MRAS: variants seen among roughly 807,000 people sequenced by gnomAD.
The protein encoded by MRAS is ras-related protein M-Ras.
In MRAS, 4 loss-of-function variants were observed where a neutral mutation model predicts 20.9. The observed-to-expected ratio is 0.19, with a 90% CI of 0.09 to 0.44. MRAS has a LOEUF of 0.44. MRAS is among the 20% of genes least tolerant of loss of function. MRAS has a pLI of 0.99. For missense variants in MRAS, 154 were observed against 277.5 expected (o/e 0.56, Z 3.16); for synonymous variants, 98 against 102.9 (o/e 0.95, Z 0.29).
intron 2 of MRAS, among the ~76,000 whole-genome samples, chr3:138,381,185 A>T (rs1412772372): frequency 6.6e-6 from 1 of 152,246 alleles, no homozygotes; most frequent in African/African-American, 2.4e-5. Context: ...TGCTGTTATG[A>T]ATAACGCTGC....
chr3:138,403,822 G>T lies in MRAS; in HGVS notation c.*1553G>T, dbSNP rs1391730202. On this transcript the variant is annotated 3_prime_UTR_variant, in exon 6 of 6. Transcript: ENST00000423968. ...CACTATGCAAACTAGAATATCCTCA[G>T]CAGGTGGCCTGGCCACTCTGGAGAA... is the stretch of plus-strand genomic sequence containing the variant. The T allele has an allele frequency of 6.6e-6, 1 of 152,476 alleles. No individual in the cohort carries two copies. The highest frequency in any genetic ancestry group is 1.5e-5 in the Non-Finnish European group (1 of 68,046). The allele number at this position is 152,476 out of a possible 1,614,324, so 9.4% of individuals were successfully genotyped here.
chr3:138,371,681 G>T (rs1437938563), intron 1 of MRAS, among the ~76,000 whole-genome samples: 1 of 152,192 alleles, frequency 6.6e-6, no homozygotes, highest in Non-Finnish European at 1.5e-5. Flanking sequence ...CCTACCAGGA[G>T]GTGGTATTGC....
intron 2 of MRAS, among the ~76,000 whole-genome samples, chr3:138,373,471 T>C (rs564090245): frequency 6.6e-6 from 1 of 152,350 alleles, no homozygotes; most frequent in Non-Finnish European, 1.5e-5. Context: ...ATCTCTTGCA[T>C]CTGACATTGT....
chr3:138,367,697 C>T (rs2054589558), intron 1 of MRAS, among the ~76,000 whole-genome samples: 1 of 152,192 alleles, frequency 6.6e-6, no homozygotes, highest in Admixed American at 6.5e-5. Flanking sequence ...GACTGAGCTT[C>T]CCATGTGTTG....
intron 1 of MRAS, among the ~76,000 whole-genome samples, chr3:138,356,916 G>A (rs1449647093): frequency 2.6e-5 from 4 of 151,084 alleles, no homozygotes; most frequent in Admixed American, 1.3e-4. Context: ...CCCACCCACC[G>A]CAGTGGACAG....
chr3:138,354,119 G>C (rs1057273937), intron 1 of MRAS, among the ~76,000 whole-genome samples: 1 of 152,244 alleles, frequency 6.6e-6, no homozygotes, highest in East Asian at 1.9e-4. Flanking sequence ...GGCAGCAGAG[G>C]TGCAGAAGAC....
chr3:138,361,030 G>A (rs932052340), intron 1 of MRAS, among the ~76,000 whole-genome samples: 4 of 152,194 alleles, frequency 2.6e-5, no homozygotes, highest in African/African-American at 4.8e-5. Flanking sequence ...TTGGTGAAGC[G>A]TCTTGAGTCA....
At chr3:138,400,115 C>T (rs2055329027) in intron 4 of MRAS, 1 of 163,046 alleles carries the variant, frequency 6.1e-6, no homozygotes, top group African/African-American at 2.4e-5. Flanking sequence ...CCCAGCCTCT[C>T]CTCAGCCTTT....
chr3:138,353,377 C>G (rs948550668), intron 1 of MRAS, among the ~76,000 whole-genome samples: 2 of 152,098 alleles, frequency 1.3e-5, no homozygotes, highest in African/African-American at 4.8e-5. Flanking sequence ...GGAAACTTTC[C>G]ACAAGGGGAG....
intron 2 of MRAS, among the ~76,000 whole-genome samples, chr3:138,393,212 A>C (rs182563549): frequency 6.6e-6 from 1 of 152,300 alleles, no homozygotes; most frequent in African/African-American, 2.4e-5. Flanking sequence ...ATGCAACAAC[A>C]TTTAGTTAAA....
chr3:138,394,350 GC>G (rs929451971), intron 2 of MRAS, among the ~76,000 whole-genome samples: 2 of 152,158 alleles, frequency 1.3e-5, no homozygotes, highest in African/African-American at 4.8e-5. Context: ...CTGCTTTTAT[GC>G]CCTGGGCACC....
chr3:138,386,010 G>A (rs1167756987), intron 2 of MRAS, among the ~76,000 whole-genome samples: 1 of 152,062 alleles, frequency 6.6e-6, no homozygotes, highest in African/African-American at 2.4e-5. Flanking sequence ...CTAGCGAGAG[G>A]GCAGGTGGAA....
At chr3:138,351,882 C>T (rs1333733026) in intron 1 of MRAS, among the ~76,000 whole-genome samples, 1 of 152,130 alleles carries the variant, frequency 6.6e-6, no homozygotes, top group African/African-American at 2.4e-5. Flanking sequence ...ACATATAATT[C>T]AGGGGATTCA....
intron 1 of MRAS, among the ~76,000 whole-genome samples, chr3:138,351,874 A>G (rs1369310705): frequency 1.3e-5 from 2 of 152,222 alleles, no homozygotes; most frequent in African/African-American, 4.8e-5. Flanking sequence ...AAAGTTGGAC[A>G]TATAATTCAG....
chr3:138,356,939 A>G (rs2054347987), intron 1 of MRAS, among the ~76,000 whole-genome samples: 1 of 151,982 alleles, frequency 6.6e-6, no homozygotes, highest in East Asian at 1.9e-4. Context: ...GCCTGAATCC[A>G]CTAATCTGGG....
intron 2 of MRAS, among the ~76,000 whole-genome samples, chr3:138,381,735 C>T (rs1261439979): frequency 6.6e-6 from 1 of 152,230 alleles, no homozygotes; most frequent in Non-Finnish European, 1.5e-5. Flanking sequence ...TGGCTCTTCT[C>T]CTGCACCATC....
intron 3 of MRAS, 96 bp from the exon 4 acceptor site, chr3:138,398,373 G>A: frequency 1.0e-6 from 1 of 973,308 alleles, no homozygotes; most frequent in South Asian, 1.4e-5. Context: ...GGTGCTGTGG[G>A]CTGGCTGTGC....
At chr3:138,369,343 G>A (rs1178065010) in intron 1 of MRAS, among the ~76,000 whole-genome samples, 1 of 152,228 alleles carries the variant, frequency 6.6e-6, no homozygotes. Flanking sequence ...CAAAGCGCAG[G>A]TGGAGGCAGT....
intron 2 of MRAS, among the ~76,000 whole-genome samples, chr3:138,397,121 C>T (rs1356513405): frequency 1.3e-5 from 2 of 152,176 alleles, no homozygotes; most frequent in Non-Finnish European, 2.9e-5. Flanking sequence ...GTCAGAGCCT[C>T]ACCCTGAAGC....
Sources: allele counts gnomAD v4.1 joint callset (sites outside exome capture counted in the v4.1 genomes callset), GRCh38; gene constraint gnomAD v4.1.1; transcripts MANE v1.5; gene names NCBI Gene and HGNC (gene_info 2026-07-23, HGNC 2026-07-21).